The following SEMA3E variants were observed in gnomAD, a reference collection of about 807,000 sequenced individuals.
SEMA3E encodes semaphorin 3E.
A neutral mutation model predicts 93.6 loss-of-function variants in SEMA3E; 49 were observed. The observed-to-expected ratio is 0.52, with a 90% CI of 0.42 to 0.66. SEMA3E has a LOEUF of 0.66. Ranked by LOEUF, SEMA3E falls within the 30% of genes least tolerant of loss-of-function variation. The pLI is 0.00. For missense variants in SEMA3E, 906 were observed against 964.8 expected (o/e 0.94, Z 0.81); for synonymous variants, 363 against 330.7 (o/e 1.10, Z -1.06).
intron 1 of SEMA3E, among the ~76,000 whole-genome samples, chr7:83,496,955 C>T (rs1417167076): frequency 6.6e-6 from 1 of 152,068 alleles, no homozygotes; most frequent in African/African-American, 2.4e-5. Context: ...TCTTGAGTTC[C>T]TCCTACTCTA....
chr7:83,392,834 T>A, intron 13 of SEMA3E, 113 bp from the exon 14 acceptor site: 1 of 1,007,102 alleles, frequency 9.9e-7, no homozygotes, highest in Non-Finnish European at 1.5e-6. Context: ...CACTTAAATT[T>A]AATTCACTTA....
intron 4 of SEMA3E, among the ~76,000 whole-genome samples, chr7:83,428,218 A>C (rs973747478): frequency 6.6e-6 from 1 of 152,210 alleles, no homozygotes; most frequent in Non-Finnish European, 1.5e-5. Flanking sequence ...TGTGATGCCA[A>C]CTCAATAAAA....
chr7:83,620,673 G>A (rs1012866745), intron 1 of SEMA3E, among the ~76,000 whole-genome samples: 1 of 151,990 alleles, frequency 6.6e-6, no homozygotes, highest in Non-Finnish European at 1.5e-5. Flanking sequence ...TTCATCAGGG[G>A]GATGCAAGGT....
chr7:83,640,539 A>G, intron 1 of SEMA3E, among the ~76,000 whole-genome samples: 1 of 152,146 alleles, frequency 6.6e-6, no homozygotes, highest in South Asian at 2.1e-4. Context: ...GTGGCTAGTA[A>G]GCTATTTACT....
At chr7:83,453,761 A>G (rs1239728999) in intron 4 of SEMA3E, among the ~76,000 whole-genome samples, 2 of 152,144 alleles carry the variant, frequency 1.3e-5, no homozygotes, top group East Asian at 1.9e-4. Flanking sequence ...AAAGTTTATA[A>G]AAGTATCTTG....
At chr7:83,461,563 A>G (rs1220916912) in intron 4 of SEMA3E, among the ~76,000 whole-genome samples, 1 of 152,106 alleles carries the variant, frequency 6.6e-6, no homozygotes, top group Non-Finnish European at 1.5e-5. Context: ...CCCAAATCAG[A>G]TAGCGTTTAG....
chr7:83,383,128 G>A (rs1787811184), intron 16 of SEMA3E, among the ~76,000 whole-genome samples: 1 of 151,788 alleles, frequency 6.6e-6, no homozygotes, highest in South Asian at 2.1e-4. Flanking sequence ...ACCCTGATGA[G>A]CATCGTCAGG....
intron 1 of SEMA3E, among the ~76,000 whole-genome samples, chr7:83,526,993 G>T (rs1390373967): frequency 6.6e-6 from 1 of 151,944 alleles, no homozygotes; most frequent in Non-Finnish European, 1.5e-5. Flanking sequence ...TGCAAATAGA[G>T]TCTTATAAGG....
intron 4 of SEMA3E, among the ~76,000 whole-genome samples, chr7:83,435,736 G>C (rs1444076534): frequency 6.6e-6 from 1 of 152,200 alleles, no homozygotes; most frequent in Admixed American, 6.5e-5. Context: ...CTAAGTGAAT[G>C]TAACATCTTC....
chr7:83,416,240 T>A (rs575193868), intron 5 of SEMA3E, among the ~76,000 whole-genome samples: 2 of 152,240 alleles, frequency 1.3e-5, no homozygotes, highest in South Asian at 2.1e-4. Context: ...CTATAACTTT[T>A]GTGTTTAGCT....
At chr7:83,388,136 C>T (rs1418047272) in intron 14 of SEMA3E, among the ~76,000 whole-genome samples, 1 of 148,054 alleles carries the variant, frequency 6.8e-6, no homozygotes, top group Non-Finnish European at 1.5e-5. Context: ...TGGTGAAACC[C>T]CGTGTCTACT....
rs918824632 is a variant in SEMA3E at position 83,489,260 on chromosome 7, T to C, written c.276+854A>G. ...ATTTCTTAACAGATATTGCCTAAAA[T>C]GAAACATATCAATAAACAGTATGCA... On this transcript the variant is annotated intron_variant, in intron 2 of 16. Coordinates refer to ENST00000643230, the MANE Select transcript of SEMA3E (RefSeq NM_012431.3). Among the ~76,000 whole-genome samples the C allele has an allele frequency of 3.9e-5, 6 of 152,054 alleles. No individual in the cohort carries two copies. The South Asian group carries it at 8.3e-4, about 21-fold the overall frequency.
chr7:83,404,848 T>G (rs1788297348), intron 9 of SEMA3E, among the ~76,000 whole-genome samples: 1 of 151,922 alleles, frequency 6.6e-6, no homozygotes, highest in Non-Finnish European at 1.5e-5. Context: ...AATTGGTAAG[T>G]ATTGGAGAAC....
intron 1 of SEMA3E, among the ~76,000 whole-genome samples, chr7:83,639,141 C>CA (rs1793946980): frequency 4.8e-5 from 3 of 63,050 alleles, no homozygotes; most frequent in Admixed American, 4.2e-4. Context: ...AAAAAAAAAA[C>CA]AGAGATTCCT....
intron 9 of SEMA3E, among the ~76,000 whole-genome samples, chr7:83,404,537 G>A (rs758337062): frequency 1.2e-4 from 18 of 151,828 alleles, no homozygotes; most frequent in African/African-American, 4.3e-4. Flanking sequence ...AGATACTCAG[G>A]AAATTGTCTA....
chr7:83,383,156 T>G (rs1237284950), intron 16 of SEMA3E, among the ~76,000 whole-genome samples: 1 of 151,846 alleles, frequency 6.6e-6, no homozygotes, highest in African/African-American at 2.4e-5. Context: ...TATAAAGCAC[T>G]TACCCAGGAG....
chr7:83,617,353 T>G (rs1168158068), intron 1 of SEMA3E, among the ~76,000 whole-genome samples: 2 of 149,714 alleles, frequency 1.3e-5, no homozygotes, highest in East Asian at 3.9e-4. Flanking sequence ...TATTTTTCCT[T>G]AATCATGTCA....
At chr7:83,525,788 T>G (rs1349141084) in intron 1 of SEMA3E, among the ~76,000 whole-genome samples, 210 of 28,998 alleles carry the variant, frequency 7.2e-3, no homozygotes, top group Non-Finnish European at 0.038. Context: ...GTTTGGGTTT[T>G]TTTTTTTTTT....
At chr7:83,635,767 T>C (rs1363363973) in intron 1 of SEMA3E, among the ~76,000 whole-genome samples, 1 of 151,994 alleles carries the variant, frequency 6.6e-6, no homozygotes, top group East Asian at 1.9e-4. Flanking sequence ...TGATAAAACA[T>C]AGCCATTGCT....
Sources: allele counts gnomAD v4.1 joint callset (sites outside exome capture counted in the v4.1 genomes callset), GRCh38; gene constraint gnomAD v4.1.1; transcripts MANE v1.5; gene names NCBI Gene and HGNC (gene_info 2026-07-23, HGNC 2026-07-21).